Variants in INPP5A observed in about 807,000 individuals in gnomAD.
INPP5A encodes the protein inositol polyphosphate-5-phosphatase A.
INPP5A carries 14 observed loss-of-function variants against 65.2 expected under a neutral mutation model. That is an observed-to-expected ratio of 0.21 (90% confidence interval 0.14 to 0.34). INPP5A has a LOEUF of 0.34. Among genes scored for constraint, INPP5A ranks in the 10% least tolerant of loss-of-function variants. The pLI, the probability that INPP5A is intolerant of heterozygous loss-of-function variation, is 1.00. For missense variants in INPP5A, 431 were observed against 545.6 expected (o/e 0.79, Z 2.09); for synonymous variants, 207 against 208.3 (o/e 0.99, Z 0.05).
At chr10:132,673,531 A>C (rs2072922600) in intron 4 of INPP5A, among the ~76,000 whole-genome samples, 1 of 152,226 alleles carries the variant, frequency 6.6e-6, no homozygotes, top group Non-Finnish European at 1.5e-5. Context: ...CCATTCCACC[A>C]TTCTGTCAAC....
chr10:132,648,824 C>G (rs571408823), intron 3 of INPP5A, among the ~76,000 whole-genome samples: 6 of 152,194 alleles, frequency 3.9e-5, no homozygotes, highest in African/African-American at 1.4e-4. Flanking sequence ...TTTGCAGCAA[C>G]CTGATTATGT....
intron 4 of INPP5A, among the ~76,000 whole-genome samples, chr10:132,677,676 G>A (rs752493850): frequency 4.6e-5 from 7 of 152,210 alleles, no homozygotes; most frequent in Admixed American, 6.5e-5. Flanking sequence ...GGGCGCACTC[G>A]TCTGGTGGAA....
rs1845238630 is a variant in INPP5A at position 132,690,393 on chromosome 10, C to CACT, written c.310_312dup (p.Leu104dup). ...TTGATTTCTCTTTTTGCTCTACAGG[C>CACT]ACTAGGAAGCTTTTATTTTCTTCAT... On this transcript the variant is annotated inframe_insertion and splice_region_variant, in exon 5 of 16. Transcript: ENST00000368594. 6.3e-7 allele frequency: 1 copy of CACT among 1,598,522 alleles called. No individual in the cohort carries two copies.
chr10:132,720,591 C>T (rs965127210), intron 8 of INPP5A, among the ~76,000 whole-genome samples: 2 of 150,090 alleles, frequency 1.3e-5, no homozygotes, highest in Non-Finnish European at 3.0e-5. Flanking sequence ...TGTCTGGGCA[C>T]CTTAGACGGC....
At chr10:132,671,320 TGCCCTCCCTGCTTCGGACTCC>T (rs1158201547) in intron 4 of INPP5A, among the ~76,000 whole-genome samples, 1,313 of 108,728 alleles carry the variant, frequency 0.012, 32 homozygotes, top group East Asian at 0.031. Context: ...GCGAGGCTTG[TGCCCTCCCTGCTTCGGACTCC>T]GCCCTCCCTG....
At chr10:132,720,054 G>A (rs1590954326) in intron 8 of INPP5A, among the ~76,000 whole-genome samples, 1 of 151,236 alleles carries the variant, frequency 6.6e-6, no homozygotes, top group Admixed American at 6.6e-5. Context: ...TGTGGGTTCT[G>A]TGGTACCTGG....
chr10:132,729,096 G>A (rs528080524), intron 9 of INPP5A, among the ~76,000 whole-genome samples: 4 of 152,220 alleles, frequency 2.6e-5, no homozygotes, highest in Admixed American at 1.3e-4. Context: ...GGGCCTGGAC[G>A]CTGGGTCCTG....
At position 132,708,454 on chromosome 10, in the gene INPP5A, G is replaced by A. The variant is rs192798683; in HGVS notation, c.527+89G>A. The A allele has an allele frequency of 7.6e-3, 9,842 of 1,302,620 alleles. 551 individuals carry two copies. In the Admixed American group the frequency reaches 0.12, roughly 16 times the overall value. The allele number at this position is 1,302,620 out of a possible 1,614,324, so 80.7% of individuals were successfully genotyped here. A position where few individuals can be genotyped will look rare whatever the true frequency, so the allele number is the denominator to read the frequency against. ...GCGGCATGTTCCACACACCTCATTG[G>A]AGGCTCTACTGATTTTGCATGAGGA... On this transcript the variant is annotated intron_variant, in intron 7 of 15. Coordinates refer to ENST00000368594, the MANE Select transcript of INPP5A (RefSeq NM_005539.5).
At chr10:132,677,396 G>A (rs1044881545) in intron 4 of INPP5A, among the ~76,000 whole-genome samples, 6 of 152,256 alleles carry the variant, frequency 3.9e-5, no homozygotes, top group Admixed American at 1.3e-4. Flanking sequence ...ATGTGGCACA[G>A]AGGAAGGAGA....
chr10:132,738,290 T>G (rs1846212688), intron 9 of INPP5A, among the ~76,000 whole-genome samples: 1 of 152,232 alleles, frequency 6.6e-6, no homozygotes. Context: ...TGTAGCCTCA[T>G]TCGTCCTCCT....
At chr10:132,670,968 T>C (rs1433357529) in intron 4 of INPP5A, among the ~76,000 whole-genome samples, 1 of 151,910 alleles carries the variant, frequency 6.6e-6, no homozygotes, top group Non-Finnish European at 1.5e-5. Context: ...CCTTGGTCTT[T>C]GTCAGTCAGG....
intron 12 of INPP5A, among the ~76,000 whole-genome samples, chr10:132,773,255 C>G (rs572092842): frequency 6.6e-6 from 1 of 152,338 alleles, no homozygotes; most frequent in South Asian, 2.1e-4. Context: ...TTTTATCATA[C>G]GCAGAGCAGG....
intron 11 of INPP5A, among the ~76,000 whole-genome samples, chr10:132,751,076 C>T (rs1458927622): frequency 6.6e-6 from 1 of 152,216 alleles, no homozygotes; most frequent in Non-Finnish European, 1.5e-5. Flanking sequence ...AGCCCCGAGT[C>T]CCAGGCCCAG....
At position 132,762,393 on chromosome 10, in the gene INPP5A, C is replaced by T. The variant is rs544189303; in HGVS notation, c.904-3380C>T. Among the ~76,000 whole-genome samples the T allele has an allele frequency of 2.6e-4, 40 of 152,264 alleles. No individual in the cohort carries two copies. The highest frequency in any genetic ancestry group is 3.4e-3 in the Middle Eastern group (1 of 294). On this transcript the variant is annotated intron_variant, in intron 11 of 15. Transcript: ENST00000368594. This position sits in a 1 kb window ranked among gnomAD's most constrained non-coding sequence, Gnocchi z 4.6. ...TCCTATTACATAAGAATGCAAGTGG[C>T]GGCGGGTTTCCAGAACAACCACAAA...
intron 13 of INPP5A, among the ~76,000 whole-genome samples, chr10:132,780,102 G>A (rs916565602): frequency 2.0e-5 from 3 of 152,254 alleles, no homozygotes; most frequent in Admixed American, 6.5e-5. Flanking sequence ...TTTCTGGCAG[G>A]CGCCCATGCT....
intron 2 of INPP5A, among the ~76,000 whole-genome samples, chr10:132,621,004 A>G (rs2072100572): frequency 1.3e-5 from 2 of 152,258 alleles, no homozygotes; most frequent in East Asian, 1.9e-4. Context: ...ATGTCAACTG[A>G]TTGAGGAAGA....
chr10:132,688,762 G>A (rs1328708681), intron 4 of INPP5A, among the ~76,000 whole-genome samples: 1 of 152,066 alleles, frequency 6.6e-6, no homozygotes, highest in African/African-American at 2.4e-5. Context: ...AAGTGCATGT[G>A]AGTGCACGAA....
In INPP5A at chr10:132,644,359, G is replaced by C. The variant is rs1415901312; in HGVS notation, c.118-1509G>C. Among the ~76,000 whole-genome samples, 1 of 152,104 alleles carries C rather than the reference G, an allele frequency of 6.6e-6. No homozygotes were observed. Among genetic ancestry groups the C allele is most frequent in the Non-Finnish European group, 1.5e-5 (1 of 67,986 alleles). ...AGCCTGTGCACGGGGCCTGGTCAGA[G>C]CTGTTTCTGTCTCCCCAGCCTGAGC... On this transcript the variant is annotated intron_variant, in intron 2 of 15. Transcript: ENST00000368594. The surrounding 1 kb of genome is among the most constrained non-coding windows in gnomAD (Gnocchi z 6.5).
intron 9 of INPP5A, among the ~76,000 whole-genome samples, chr10:132,739,460 G>A (rs1474644160): frequency 6.6e-6 from 1 of 152,234 alleles, no homozygotes; most frequent in African/African-American, 2.4e-5. Flanking sequence ...CCCTGCACCT[G>A]CTACACCCCC....
Sources: allele counts gnomAD v4.1 joint callset (sites outside exome capture counted in the v4.1 genomes callset), GRCh38; gene constraint gnomAD v4.1.1; non-coding constraint Gnocchi (gnomAD v3.1); transcripts MANE v1.5; gene names NCBI Gene and HGNC (gene_info 2026-07-23, HGNC 2026-07-21).